The following MACROD2 variants were observed in gnomAD, a reference collection of about 807,000 sequenced individuals.
MACROD2 encodes ADP-ribose glycohydrolase MACROD2.
Under a neutral mutation model 70.4 loss-of-function variants are expected in MACROD2, and 36 were observed. The ratio of observed to expected loss-of-function variants is 0.51; its 90% CI spans 0.39 to 0.68. The LOEUF is 0.68. Among genes scored for constraint, MACROD2 ranks in the 30% least tolerant of loss-of-function variants. The pLI, the probability that MACROD2 is intolerant of heterozygous loss-of-function variation, is 0.00. For synonymous variants in MACROD2, 172 were observed against 178.8 expected (o/e 0.96, Z 0.30); for missense variants, 496 against 538.4 (o/e 0.92, Z 0.78).
rs35279137 is a variant in MACROD2 at position 14,853,173 on chromosome 20, C to CTGTATGTGTGTGTGTGTGTGTG, written c.418+168217_418+168218insATGTGTGTGTGTGTGTGTGTGT. ...GTGTGAACAGTGTGTGTGTGTGTGT[C>CTGTATGTGTGTGTGTGTGTGTG]TGTGTGTGTGTGTGTGTGTGTGTGT... On this transcript the variant is annotated intron_variant, in intron 5 of 17. Coordinates refer to ENST00000684519, the MANE Select transcript of MACROD2 (RefSeq NM_001351661.2). 1.6e-3 allele frequency among the ~76,000 whole-genome samples: 233 copies of CTGTATGTGTGTGTGTGTGTGTG among 149,342 alleles called. 4 individuals are homozygous for CTGTATGTGTGTGTGTGTGTGTG. Among genetic ancestry groups the CTGTATGTGTGTGTGTGTGTGTG allele is most frequent in the African/African-American group, 5.3e-3 (213 of 40,434 alleles).
At chr20:15,542,671 T>C (rs2047973334) in intron 8 of MACROD2, among the ~76,000 whole-genome samples, 1 of 152,232 alleles carries the variant, frequency 6.6e-6, no homozygotes, top group South Asian at 2.1e-4. Flanking sequence ...CTGAAACCTG[T>C]TCCTTAACAC....
chr20:16,036,289 G>C (rs2327985), intron 15 of MACROD2, among the ~76,000 whole-genome samples: 10,833 of 150,778 alleles, frequency 0.072, 500 homozygotes, highest in East Asian at 0.17. Flanking sequence ...TCCTCCCCCG[G>C]CCAGCATCTC....
intron 5 of MACROD2, among the ~76,000 whole-genome samples, chr20:15,000,623 C>A (rs1158240007): frequency 2.1e-4 from 17 of 81,960 alleles, no homozygotes; most frequent in Admixed American, 1.9e-3. Flanking sequence ...GAGCGAGACT[C>A]CGTCTCAAAA....
At chr20:14,365,650 G>T (rs1032903919) in intron 3 of MACROD2, among the ~76,000 whole-genome samples, 7 of 151,858 alleles carry the variant, frequency 4.6e-5, no homozygotes, top group Non-Finnish European at 1.0e-4. Context: ...CACTCTGTTA[G>T]CTCTGCACTT....
At chr20:15,797,682 A>G (rs539992284) in intron 8 of MACROD2, among the ~76,000 whole-genome samples, 5 of 152,302 alleles carry the variant, frequency 3.3e-5, no homozygotes, top group African/African-American at 1.2e-4. Context: ...ATCATAATCT[A>G]CCAACTAAGG....
intron 6 of MACROD2, among the ~76,000 whole-genome samples, chr20:15,326,783 AG>A (rs2077935061): frequency 6.6e-6 from 1 of 152,126 alleles, no homozygotes; most frequent in South Asian, 2.1e-4. Context: ...ACAGGTGGCT[AG>A]AGAAGGAAGA....
chr20:15,658,789 C>T (rs1478422086), intron 8 of MACROD2, among the ~76,000 whole-genome samples: 1 of 152,144 alleles, frequency 6.6e-6, no homozygotes, highest in Non-Finnish European at 1.5e-5. Context: ...AGTCTACATG[C>T]TCACAAGGAT....
At chr20:14,643,470 TG>T (rs1367187770) in intron 4 of MACROD2, among the ~76,000 whole-genome samples, 29 of 151,914 alleles carry the variant, frequency 1.9e-4, no homozygotes, top group African/African-American at 7.0e-4. Context: ...TGACATTTTG[TG>T]AAAACATTGT....
intron 3 of MACROD2, among the ~76,000 whole-genome samples, chr20:14,108,702 A>C (rs1277711102): frequency 6.6e-6 from 1 of 152,146 alleles, no homozygotes; most frequent in Non-Finnish European, 1.5e-5. Flanking sequence ...CCAATTCAGC[A>C]AGAGGAGATA....
At chr20:15,451,351 C>T (rs763377606) in intron 7 of MACROD2, among the ~76,000 whole-genome samples, 16 of 140,638 alleles carry the variant, frequency 1.1e-4, no homozygotes, top group Non-Finnish European at 1.5e-5. Flanking sequence ...TTCAGAGCAA[C>T]TTTCCTGCCT....
chr20:14,695,688 C>T (rs1395803825), intron 5 of MACROD2, among the ~76,000 whole-genome samples: 2 of 152,268 alleles, frequency 1.3e-5, no homozygotes, highest in Non-Finnish European at 2.9e-5. Context: ...CGCTTGCAAG[C>T]AGATCTTCTG....
chr20:14,569,802 T>G (rs533234672), intron 4 of MACROD2, among the ~76,000 whole-genome samples: 156 of 151,916 alleles, frequency 1.0e-3, no homozygotes, highest in Admixed American at 1.6e-3. Flanking sequence ...GTGAAAGAAT[T>G]TGGATCCTAA....
intron 8 of MACROD2, among the ~76,000 whole-genome samples, chr20:15,719,559 C>T (rs915959353): frequency 6.6e-6 from 1 of 152,164 alleles, no homozygotes; most frequent in African/African-American, 2.4e-5. Context: ...TGAAATGACC[C>T]ACTTAATAAA....
chr20:14,160,624 G>T (rs1470125934), intron 3 of MACROD2, among the ~76,000 whole-genome samples: 1 of 151,876 alleles, frequency 6.6e-6, no homozygotes, highest in East Asian at 1.9e-4. Flanking sequence ...TTCTGTGTTA[G>T]TATAGCAAGT....
intron 3 of MACROD2, among the ~76,000 whole-genome samples, chr20:14,087,849 A>G (rs2148670740): frequency 6.6e-6 from 1 of 152,272 alleles, no homozygotes; most frequent in African/African-American, 2.4e-5. Flanking sequence ...AACATTTAAA[A>G]GATTATATGT....
intron 8 of MACROD2, among the ~76,000 whole-genome samples, chr20:15,701,993 T>C (rs1686306313): frequency 6.6e-6 from 1 of 152,176 alleles, no homozygotes; most frequent in South Asian, 2.1e-4. Flanking sequence ...AAAGACATGG[T>C]TTTATTCTTT....
intron 6 of MACROD2, among the ~76,000 whole-genome samples, chr20:15,230,872 T>C (rs1233255484): frequency 6.6e-6 from 1 of 152,134 alleles, no homozygotes; most frequent in Admixed American, 6.5e-5. Flanking sequence ...TTAATTTGGC[T>C]GGAATCCCTT....
chr20:14,023,713 T>C (rs1037910814), intron 2 of MACROD2, among the ~76,000 whole-genome samples: 1 of 152,214 alleles, frequency 6.6e-6, no homozygotes, highest in African/African-American at 2.4e-5. Context: ...TGGCTGTAGA[T>C]GTGTGGCATT....
intron 3 of MACROD2, among the ~76,000 whole-genome samples, chr20:14,220,986 T>TGCC (rs1479176747): frequency 6.6e-6 from 1 of 152,180 alleles, no homozygotes; most frequent in Admixed American, 6.5e-5. Flanking sequence ...CAGTGCGAGG[T>TGCC]GCCGCCCACT....
Sources: allele counts gnomAD v4.1 joint callset (sites outside exome capture counted in the v4.1 genomes callset), GRCh38; gene constraint gnomAD v4.1.1; transcripts MANE v1.5; gene names NCBI Gene and HGNC (gene_info 2026-07-23, HGNC 2026-07-21).